ATP10B: variants seen among roughly 807,000 people sequenced by gnomAD.
The protein encoded by ATP10B is ATPase phospholipid transporting 10B (putative), also known as phospholipid-transporting ATPase VB.
Under a neutral mutation model 141.2 loss-of-function variants are expected in ATP10B, and 122 were observed. The ratio of observed to expected loss-of-function variants is 0.86; its 90% CI spans 0.75 to 1.00. ATP10B has a LOEUF of 1.00. Ranked by LOEUF, ATP10B falls within the 50% of genes least tolerant of loss-of-function variation. The probability of loss-of-function intolerance (pLI) is 0.00; values close to 1 mark genes in which losing one functional copy is unlikely to be tolerated. For missense variants in ATP10B, 1,876 were observed against 1,825.3 expected (o/e 1.03, Z -0.51); for synonymous variants, 685 against 692.0 (o/e 0.99, Z 0.16).
chr5:160,637,687 C>T (rs1258146602), intron 10 of ATP10B, among the ~76,000 whole-genome samples: 1 of 152,192 alleles, frequency 6.6e-6, no homozygotes, highest in African/African-American at 2.4e-5. Flanking sequence ...AGTAATAATA[C>T]CTTCTCTATA....
chr5:160,569,681 G>C lies in ATP10B; in HGVS notation c.3753C>G (p.Thr1251=). Residue 1251 remains threonine (T), a splice_region_variant and synonymous_variant, in exon 25 of 26, where the codon ACC becomes ACG. Transcript: ENST00000327245. ...CGAGGAGCACGACTCCGTGGAAAATGGTCTGTGGAGGGAAATAAGCAAACA... is the reference window on the plus strand; with the variant it reads ...CGAGGAGCACGACTCCGTGGAAAATCGTCTGTGGAGGGAAATAAGCAAACA... ...LHQAMEMKTW[T]IFHGVVLLGS... 6.4e-7 allele frequency: 1 copy of C among 1,561,468 alleles called. No homozygotes were observed. Among genetic ancestry groups the C allele is most frequent in the Non-Finnish European group, 8.7e-7 (1 of 1,155,628 alleles).
intron 1 of ATP10B, among the ~76,000 whole-genome samples, chr5:160,834,011 T>C (rs969758744): frequency 3.3e-5 from 5 of 152,094 alleles, no homozygotes; most frequent in Non-Finnish European, 5.9e-5. Context: ...AATCATCTAA[T>C]AGACTCCTGG....
chr5:160,834,642 C>A (rs1159110834), intron 1 of ATP10B, among the ~76,000 whole-genome samples: 2 of 152,070 alleles, frequency 1.3e-5, no homozygotes, highest in Non-Finnish European at 2.9e-5. Flanking sequence ...GGAAATAAAA[C>A]CTTAATTACG....
At chr5:160,593,508 C>A (rs190331918) in intron 22 of ATP10B, among the ~76,000 whole-genome samples, 174 of 152,332 alleles carry the variant, frequency 1.1e-3, no homozygotes, top group African/African-American at 3.9e-3. Flanking sequence ...AAAAGCAGAG[C>A]GCCTCTCCTC....
chr5:160,679,488 G>A (rs894308285), intron 6 of ATP10B, among the ~76,000 whole-genome samples: 2 of 152,184 alleles, frequency 1.3e-5, no homozygotes, highest in Non-Finnish European at 2.9e-5. Flanking sequence ...CTCCTTCAGG[G>A]CTCTCCTGAA....
chr5:160,694,114 AT>A (rs962118689), intron 3 of ATP10B, among the ~76,000 whole-genome samples: 2 of 152,178 alleles, frequency 1.3e-5, no homozygotes, highest in Non-Finnish European at 2.9e-5. Flanking sequence ...GCCGAAGCAC[AT>A]AAGGGTGGGC....
chr5:160,704,293 G>GCT lies in ATP10B; in HGVS notation c.-205+12615_-205+12616insAG, dbSNP rs534694231. Among the ~76,000 whole-genome samples, 1,507 of 152,202 alleles carry GCT rather than the reference G, an allele frequency of 9.9e-3. 25 individuals are homozygous for GCT. Among genetic ancestry groups the GCT allele is most frequent in the African/African-American group, 0.035 (1,442 of 41,518 alleles). ...ACTGATCTTGAACTCCTGACCTCAA[G>GCT]TGATCCTTCTGCCTCAGCTTCCCAA... is the stretch of plus-strand genomic sequence containing the variant. On this transcript the variant is annotated intron_variant, in intron 3 of 25. Coordinates refer to ENST00000327245, the MANE Select transcript of ATP10B (RefSeq NM_025153.3).
intron 24 of ATP10B, among the ~76,000 whole-genome samples, chr5:160,583,607 G>C (rs1755693531): frequency 6.6e-6 from 1 of 152,218 alleles, no homozygotes; most frequent in African/African-American, 2.4e-5. Context: ...GAACGTTTAA[G>C]TCTGCTGAAG....
intron 2 of ATP10B, among the ~76,000 whole-genome samples, chr5:160,723,121 G>A (rs1477146443): frequency 6.6e-6 from 1 of 152,224 alleles, no homozygotes; most frequent in Non-Finnish European, 1.5e-5. Context: ...AAGTATGTGT[G>A]TGTGAGATGA....
the ATP10B span, among the ~76,000 whole-genome samples, chr5:160,882,499 C>T: frequency 6.6e-6 from 1 of 152,038 alleles, no homozygotes; most frequent in Non-Finnish European, 1.5e-5. Flanking sequence ...CTAGCCTGGT[C>T]TTAAACTCCT....
At chr5:160,698,579 A>T (rs1030276200) in intron 3 of ATP10B, among the ~76,000 whole-genome samples, 1 of 152,188 alleles carries the variant, frequency 6.6e-6, no homozygotes, top group Non-Finnish European at 1.5e-5. Context: ...ATTTGGACAC[A>T]TTGGTATTGT....
rs762066729 is a variant in ATP10B at position 160,634,214 on chromosome 5, C to A, written c.1381+140G>T. On this transcript the variant is annotated intron_variant, in intron 12 of 25. Transcript: ENST00000327245. ...CCCTGATCTGTGACAAGGAAGACCA[C>A]AGGGATACAGGAAGCAACTTGTGGA... 2.6e-6 allele frequency: 3 copies of A among 1,160,546 alleles called. No homozygotes were observed. The East Asian group carries it at 7.0e-5, about 27-fold the overall frequency. 71.9% of individuals were successfully genotyped at this position (1,160,546 alleles called of 1,614,324 possible). A position where few individuals can be genotyped will look rare whatever the true frequency, so the allele number is the denominator to read the frequency against.
chr5:160,636,998 A>ACCCT (rs58857449), intron 10 of ATP10B, among the ~76,000 whole-genome samples: 2 of 27,494 alleles, frequency 7.3e-5, no homozygotes, highest in South Asian at 1.5e-3. Context: ...CCACCCACCC[A>ACCCT]TCCATCAATC....
At chr5:160,804,632 C>G (rs1772645974) in intron 1 of ATP10B, among the ~76,000 whole-genome samples, 1 of 152,214 alleles carries the variant, frequency 6.6e-6, no homozygotes, top group South Asian at 2.1e-4. Flanking sequence ...GAAAACTACA[C>G]ATTTGCAAAT....
chr5:160,565,810 G>A lies in ATP10B; in HGVS notation c.4029C>T (p.Asn1343=). The A allele has an allele frequency of 6.2e-7, 1 of 1,614,080 alleles. No individual in the cohort carries two copies. The highest frequency in any genetic ancestry group is 2.2e-5 in the East Asian group (1 of 44,868). Residue 1343 remains asparagine (N), a synonymous_variant, in exon 26 of 26, where the codon AAC becomes AAT. Transcript: ENST00000327245. ...TGCTTCTCCAACTCTGGATTTCCAG[G>A]TTTCTTTTGTCTGGGGGGAGTTTGT... is the stretch of plus-strand genomic sequence containing the variant. The part of the protein sequence containing the change: ...KIDKLPPDKR[N]LEIQSWRSRQ...
At chr5:160,879,953 T>C in the ATP10B span, among the ~76,000 whole-genome samples, 1 of 151,910 alleles carries the variant, frequency 6.6e-6, no homozygotes, top group Non-Finnish European at 1.5e-5. Flanking sequence ...ATACCAACAA[T>C]AGTCAAGTGG....
At chr5:160,582,400 T>A (rs1340101922) in intron 24 of ATP10B, among the ~76,000 whole-genome samples, 1 of 152,244 alleles carries the variant, frequency 6.6e-6, no homozygotes, top group Non-Finnish European at 1.5e-5. Flanking sequence ...CTCCTTTGCT[T>A]ATGAAGCTTA....
At chr5:160,639,654 T>G (rs1001801406) in intron 10 of ATP10B, among the ~76,000 whole-genome samples, 2 of 152,158 alleles carry the variant, frequency 1.3e-5, no homozygotes, top group African/African-American at 4.8e-5. Context: ...TTTAACGCAG[T>G]GGTCTGCAAC....
At chr5:160,603,888 T>C in intron 20 of ATP10B, 77 bp downstream of exon 20, 4 of 1,331,472 alleles carry the variant, frequency 3.0e-6, no homozygotes, top group Non-Finnish European at 1.1e-6. Context: ...CAGGGAGAAG[T>C]TTCTCCAACA....
Sources: allele counts gnomAD v4.1 joint callset (sites outside exome capture counted in the v4.1 genomes callset), GRCh38; gene constraint gnomAD v4.1.1; transcripts MANE v1.5; gene names NCBI Gene and HGNC (gene_info 2026-07-23, HGNC 2026-07-21).